CTNNA3: variants seen among roughly 807,000 people sequenced by gnomAD.
CTNNA3 encodes catenin alpha 3, also known as catenin alpha-3.
CTNNA3 carries 76 observed loss-of-function variants against 95.7 expected under a neutral mutation model. The ratio of observed to expected loss-of-function variants is 0.79; its 90% confidence interval spans 0.66 to 0.96. The LOEUF (loss-of-function observed/expected upper bound fraction) is 0.96, where lower values mean the gene tolerates loss of function less well. Among genes scored for constraint, CTNNA3 ranks in the 40% least tolerant of loss-of-function variants. CTNNA3 has a pLI of 0.00. For synonymous variants in CTNNA3, 431 were observed against 374.4 expected (o/e 1.15, Z -1.74); for missense variants, 1,191 against 1,089.8 (o/e 1.09, Z -1.31).
At chr10:67,522,823 T>A (rs1285330175) in intron 4 of CTNNA3, among the ~76,000 whole-genome samples, 1 of 152,158 alleles carries the variant, frequency 6.6e-6, no homozygotes, top group Non-Finnish European at 1.5e-5. Flanking sequence ...GGTTAGTGAT[T>A]GAAAATGTCA....
At chr10:65,952,292 G>A (rs1253674699) in intron 17 of CTNNA3, among the ~76,000 whole-genome samples, 1 of 152,080 alleles carries the variant, frequency 6.6e-6, no homozygotes, top group Admixed American at 6.5e-5. Context: ...ATTTTTTGAA[G>A]TATATCCTTT....
At chr10:66,934,971 C>A (rs1317411136) in intron 7 of CTNNA3, among the ~76,000 whole-genome samples, 1 of 152,078 alleles carries the variant, frequency 6.6e-6, no homozygotes, top group Non-Finnish European at 1.5e-5. Flanking sequence ...AAAATGTCAT[C>A]AGACAGTGAA....
At chr10:66,065,767 T>A (rs1167860369) in intron 15 of CTNNA3, among the ~76,000 whole-genome samples, 1 of 152,160 alleles carries the variant, frequency 6.6e-6, no homozygotes, top group African/African-American at 2.4e-5. Flanking sequence ...ATCCTGTCTA[T>A]AAATACACCC....
intron 1 of CTNNA3, chr10:67,751,307 A>G: frequency 1.1e-6 from 1 of 884,770 alleles, no homozygotes; most frequent in South Asian, 1.3e-5. Flanking sequence ...CTCAAGTCCT[A>G]TTTTAGCCAA....
intron 13 of CTNNA3, among the ~76,000 whole-genome samples, chr10:66,267,131 T>C (rs1195200129): frequency 6.6e-6 from 1 of 152,084 alleles, no homozygotes; most frequent in South Asian, 2.1e-4. Flanking sequence ...AGGATGAATT[T>C]TGAACACTCT....
chr10:66,715,643 C>T (rs1848426837), intron 9 of CTNNA3, among the ~76,000 whole-genome samples: 1 of 152,164 alleles, frequency 6.6e-6, no homozygotes, highest in South Asian at 2.1e-4. Context: ...CAAAGATATT[C>T]AGTGCAATAT....
At chr10:66,144,471 G>A (rs1346587329) in intron 13 of CTNNA3, among the ~76,000 whole-genome samples, 2 of 151,730 alleles carry the variant, frequency 1.3e-5, no homozygotes, top group Non-Finnish European at 2.9e-5. Flanking sequence ...GTGTTGGCTG[G>A]TTAATTTATA....
rs968889152 is a variant in CTNNA3, at chr10:66,063,215, G to T, written c.2159+6093C>A. 2.6e-3 allele frequency among the ~76,000 whole-genome samples: 174 copies of T among 67,982 alleles called. 2 individuals are homozygous for T. Among genetic ancestry groups the T allele is most frequent in the African/African-American group, 8.1e-3 (123 of 15,184 alleles). The allele number at this position is 67,982 out of a possible 152,430, so 44.6% of individuals were successfully genotyped here. ...ACATGTATATATATATATATATATA[G>T]ATATAGATATAGATAGATAGATAGA... On this transcript the variant is annotated intron_variant, in intron 15 of 17. Coordinates refer to ENST00000433211, the MANE Select transcript of CTNNA3 (RefSeq NM_013266.4).
At chr10:66,164,518 G>GC (rs905945092) in intron 13 of CTNNA3, among the ~76,000 whole-genome samples, 3 of 138,752 alleles carry the variant, frequency 2.2e-5, no homozygotes, top group Non-Finnish European at 3.2e-5. Context: ...TATGGACACT[G>GC]TTTTTTTTTT....
intron 5 of CTNNA3, among the ~76,000 whole-genome samples, chr10:67,423,984 T>C (rs1327961513): frequency 1.3e-5 from 2 of 152,162 alleles, no homozygotes; most frequent in Non-Finnish European, 2.9e-5. Flanking sequence ...GATCTTCTTA[T>C]TATGAAAGCA....
intron 13 of CTNNA3, among the ~76,000 whole-genome samples, chr10:66,140,487 T>C (rs533230864): frequency 2.0e-5 from 3 of 152,346 alleles, no homozygotes; most frequent in South Asian, 4.1e-4. Context: ...CAGAGATCTA[T>C]GTTACGATTT....
At chr10:67,079,858 AACACACACACACACACACACACACACAC>A (rs199928311) in intron 7 of CTNNA3, among the ~76,000 whole-genome samples, 6 of 141,266 alleles carry the variant, frequency 4.2e-5, no homozygotes, top group South Asian at 4.7e-4. Context: ...AAAAAAACAA[AACACACACACACACACACACACACACAC>A]ACACACACAC....
At chr10:66,914,130 C>CTTTTTTTTTTTTTTTCTTTTTTTTTT (rs1846358790) in intron 7 of CTNNA3, among the ~76,000 whole-genome samples, 30 of 120,272 alleles carry the variant, frequency 2.5e-4, no homozygotes, top group African/African-American at 9.4e-4. Flanking sequence ...AGGGTGCCTT[C>CTTTTTTTTTTTTTTTCTTTTTTTTTT]TTTTTTTTTT....
chr10:65,953,148 C>G (rs1378203863), intron 17 of CTNNA3, among the ~76,000 whole-genome samples: 1 of 152,144 alleles, frequency 6.6e-6, no homozygotes, highest in Non-Finnish European at 1.5e-5. Flanking sequence ...TTACAAAATA[C>G]AACAGTTTCC....
At position 66,390,544 on chromosome 10, in the gene CTNNA3, TA is replaced by T. The variant is rs1300032140; in HGVS notation, c.1532-11193del. Among the ~76,000 whole-genome samples, 12 of 152,168 alleles carry T rather than the reference TA, an allele frequency of 7.9e-5. No individual in the cohort carries two copies. The South Asian group carries it at 1.4e-3, about 18-fold the overall frequency. On this transcript the variant is annotated intron_variant, in intron 11 of 17. Coordinates refer to ENST00000433211, the MANE Select transcript of CTNNA3 (RefSeq NM_013266.4). The stretch of plus-strand genomic sequence containing the variant: ...AAGAGACTTAAGCTAAATTTAATTA[TA>T]AAAAAAAGTTTCCATTTTTGCATAC...
At chr10:66,760,005 C>A (rs1018349633) in intron 9 of CTNNA3, among the ~76,000 whole-genome samples, 1 of 152,024 alleles carries the variant, frequency 6.6e-6, no homozygotes, top group African/African-American at 2.4e-5. Context: ...GCTGTTAAGT[C>A]CTGGGGCACT....
At chr10:65,953,796 T>G (rs1231124548) in intron 17 of CTNNA3, among the ~76,000 whole-genome samples, 1 of 152,214 alleles carries the variant, frequency 6.6e-6, no homozygotes, top group South Asian at 2.1e-4. Flanking sequence ...TGATGGACAT[T>G]TGGGTTGGTT....
intron 7 of CTNNA3, among the ~76,000 whole-genome samples, chr10:66,799,714 A>G (rs902983440): frequency 2.6e-5 from 4 of 151,382 alleles, no homozygotes; most frequent in African/African-American, 9.7e-5. Flanking sequence ...ATAATGGCTG[A>G]TAATTTTCCA....
intron 9 of CTNNA3, among the ~76,000 whole-genome samples, chr10:66,631,198 TGTCTTTG>T (rs1263855570): frequency 6.6e-6 from 1 of 152,200 alleles, no homozygotes; most frequent in Non-Finnish European, 1.5e-5. Context: ...TTTACCTCTC[TGTCTTTG>T]GTCATCCATC....
Sources: gnomAD v4.1 joint callset for allele counts (sites outside exome capture counted in the v4.1 genomes callset) on GRCh38, gnomAD v4.1.1 for gene constraint, MANE v1.5 for transcripts, NCBI Gene and HGNC (gene_info 2026-07-23, HGNC 2026-07-21) for gene names.